LRFN4: variants seen among roughly 807,000 people sequenced by gnomAD.
The protein encoded by LRFN4 is leucine rich repeat and fibronectin type III domain containing 4.
A neutral mutation model predicts 29.0 loss-of-function variants in LRFN4; 10 were observed. The observed-to-expected ratio is 0.35, with a 90% CI of 0.21 to 0.59. The LOEUF is 0.59. LRFN4 is among the 20% of genes least tolerant of loss of function. The probability of loss-of-function intolerance (pLI) is 0.82; values close to 1 mark genes in which losing one functional copy is unlikely to be tolerated. For synonymous variants in LRFN4, 493 were observed against 437.0 expected, an observed-to-expected ratio of 1.13 and a Z score of -1.60; for missense variants, 850 against 907.9, an observed-to-expected ratio of 0.94 and a Z score of 0.82.
chr11:66,859,005 G>C lies in LRFN4; in HGVS notation c.1261G>C (p.Val421Leu). ...GGAGGTGACCGCCACCTCAGGGCTG[G>C]TGAGCTGGGGTCCCGGGCGGCCAGC... ...VTEVTATSGL[V>L]SWGPGRPADP... Residue 421 changes from valine (V) to leucine (L), a missense_variant, in exon 1 of 2, where the codon GTG (valine) becomes CTG (leucine). Physicochemically the swap from Val to Leu is conservative, Grantham distance 32. Coordinates refer to ENST00000309602, the MANE Select transcript of LRFN4 (RefSeq NM_024036.5). 6.6e-7 allele frequency: 1 copy of C among 1,525,862 alleles called. No individual in the cohort carries two copies. Among genetic ancestry groups the C allele is most frequent in the South Asian group, 1.3e-5 (1 of 78,112 alleles). 94.5% of individuals were successfully genotyped at this position (1,525,862 alleles called of 1,614,324 possible).
rs770895637 is a variant in LRFN4 at position 66,858,960 on chromosome 11, G to A, written c.1216G>A (p.Glu406Lys). The change falls in exon 1 of 2, where the codon GAG (glutamate) becomes AAG (lysine). Residue 406 changes from glutamate to lysine, a missense_variant. Physicochemically the swap from Glu to Lys is moderately conservative, Grantham distance 56. This residue lies in a region of LRFN4 where 744 missense variants were observed against 753.8 expected (regional missense o/e 0.99). Transcript: ENST00000309602. The surrounding 1 kb of genome is among the most constrained non-coding windows in gnomAD (Gnocchi z 5.9). ...AAEGEGTLESEPAVQVTEVTA... is the reference protein window; with the variant it reads ...AAEGEGTLESKPAVQVTEVTA... ...CGAGGGTGAGGGGACGCTGGAGTCT[G>A]AGCCAGCCGTGCAGGTGACGGAGGT... 3.8e-6 allele frequency: 6 copies of A among 1,576,470 alleles called. No individual in the cohort carries two copies. The Admixed American group carries it at 7.1e-5, about 19-fold the overall frequency.
rs550761110 is a variant in LRFN4 at position 66,858,896 on chromosome 11, C to G, written c.1152C>G (p.Pro384=). 21 of 1,560,164 alleles carry G rather than the reference C, an allele frequency of 1.3e-5. No homozygotes were observed. In the South Asian group the frequency reaches 2.3e-4, roughly 17 times the overall value. ...GGNSSAEGGR[P]GPSDIAASAR... is the part of the protein sequence containing the mutation. Reference sequence around the variant, plus strand: ...ACAGCAGTGCCGAGGGGGGCCGCCCCGGGCCCTCGGACATCGCCGCCTCCG... The same window carrying G: ...ACAGCAGTGCCGAGGGGGGCCGCCCGGGGCCCTCGGACATCGCCGCCTCCG... The change falls in exon 1 of 2, where the codon CCC becomes CCG. Residue 384 remains proline, a synonymous_variant. Transcript: ENST00000309602. This position sits in a 1 kb window ranked among gnomAD's most constrained non-coding sequence, Gnocchi z 5.9.
chr11:66,860,116 CTG>C lies in LRFN4; in HGVS notation c.1832_1833del (p.Val611AlafsTer37). ...GGAGCTTGGGCCCGACGGAGCCACT[CTG>C]TGCATGGGGGGCTGCTCGGGGCAGG... On this transcript the variant is annotated frameshift_variant, in exon 2 of 2. Coordinates refer to ENST00000309602, the MANE Select transcript of LRFN4 (RefSeq NM_024036.5). LOFTEE classifies it high-confidence loss of function. The C allele has an allele frequency of 6.4e-7, 1 of 1,551,276 alleles. No homozygotes were observed. Among genetic ancestry groups the C allele is most frequent in the Non-Finnish European group, 8.7e-7 (1 of 1,147,774 alleles).
At chr11:66,859,128 C>A in intron 1 of LRFN4, 35 bp downstream of exon 1, 2 of 1,474,970 alleles carry the variant, frequency 1.4e-6, no homozygotes, top group South Asian at 1.5e-5. Flanking sequence ...GCTGCACTCC[C>A]GGCGCCCTTC....
At position 66,857,130 on chromosome 11, in the gene LRFN4, ACCGAGCGAGCCGGGGCCGCGGGC is replaced by A. The variant is rs1281271814; in HGVS notation, c.-607_-585del. The A allele has an allele frequency of 6.8e-6, 1 of 147,382 alleles. No individual in the cohort carries two copies. The allele number at this position is 147,382 out of a possible 1,614,324, so 9.1% of individuals were successfully genotyped here. ...ACCGCGCCGGGAAAAGGTGCCGGGAACCGAGCGAGCCGGGGCCGCGGGCCCGAGCGCCATGGGCCCGAGGGTGG... is the reference window on the plus strand; with the variant it reads ...ACCGCGCCGGGAAAAGGTGCCGGGAACCGAGCGCCATGGGCCCGAGGGTGG... On this transcript the variant is annotated 5_prime_UTR_variant, in exon 1 of 2. Coordinates refer to ENST00000309602, the MANE Select transcript of LRFN4 (RefSeq NM_024036.5). This position sits in a 1 kb window ranked among gnomAD's most constrained non-coding sequence, Gnocchi z 7.1.
In LRFN4 at chr11:66,858,276, C is replaced by A; in HGVS notation, c.532C>A (p.His178Asn). 1.2e-6 allele frequency: 2 copies of A among 1,612,106 alleles called. No individual in the cohort carries two copies. Among genetic ancestry groups the A allele is most frequent in the Non-Finnish European group, 1.7e-6 (2 of 1,179,926 alleles). The change falls in exon 1 of 2, where the codon CAT (histidine) becomes AAT (asparagine). Residue 178 changes from histidine to asparagine, a missense_variant. Transcript: ENST00000309602. This position sits in a 1 kb window ranked among gnomAD's most constrained non-coding sequence, Gnocchi z 5.9. ...MPALHTLNLDHNLIDALPPGA... is the reference protein window; with the variant it reads ...MPALHTLNLDNNLIDALPPGA... ...TGCCCTGCACACCCTCAACCTGGACCATAACCTTATTGACGCACTGCCCCC... is the reference window on the plus strand; with the variant it reads ...TGCCCTGCACACCCTCAACCTGGACAATAACCTTATTGACGCACTGCCCCC...
chr11:66,859,549 G>T lies in LRFN4; in HGVS notation c.1350-88G>T, dbSNP rs555737259. On this transcript the variant is annotated intron_variant, in intron 1 of 1. Transcript: ENST00000309602. ...AGCCCGAGTGGCCCCAGGGGGAGGG[G>T]TGTTTGGAGCTGGGAGCACGGGAGT... 1.2e-5 allele frequency: 19 copies of T among 1,572,652 alleles called. No homozygotes were observed. The South Asian group carries it at 1.7e-4, about 14-fold the overall frequency.
In LRFN4 at chr11:66,858,089, C is replaced by T. The variant is rs1945978771; in HGVS notation, c.345C>T (p.Ser115=). 1.2e-6 allele frequency: 2 copies of T among 1,609,154 alleles called. No homozygotes were observed. The highest frequency in any genetic ancestry group is 1.3e-5 in the African/African-American group (1 of 75,004). The change falls in exon 1 of 2, where the codon AGC becomes AGT. Residue 115 remains serine, a synonymous_variant. Transcript: ENST00000309602. This position sits in a 1 kb window ranked among gnomAD's most constrained non-coding sequence, Gnocchi z 5.9. The part of the protein sequence containing the change: ...GNRLVELGTG[S]LRGPVNLQHL... ...GGCTGGTGGAGCTGGGCACCGGGAG[C>T]CTCCGGGGCCCCGTCAATCTGCAGC...
In LRFN4 at chr11:66,857,290, A is replaced by G. The variant is rs1260416100; in HGVS notation, c.-455A>G. 2.0e-5 allele frequency: 3 copies of G among 148,540 alleles called. No homozygotes were observed. The highest frequency in any genetic ancestry group is 7.4e-5 in the African/African-American group (3 of 40,566). The allele number at this position is 148,540 out of a possible 1,614,324, so 9.2% of individuals were successfully genotyped here. On this transcript the variant is annotated 5_prime_UTR_variant, in exon 1 of 2. Coordinates refer to ENST00000309602, the MANE Select transcript of LRFN4 (RefSeq NM_024036.5). The surrounding 1 kb of genome is among the most constrained non-coding windows in gnomAD (Gnocchi z 7.1). ...CCGGCCCGCGCCCCCTGAGCGACGGACACCAGGTGAGGGGGCCGCCGGGCG... is the reference window on the plus strand; with the variant it reads ...CCGGCCCGCGCCCCCTGAGCGACGGGCACCAGGTGAGGGGGCCGCCGGGCG...
In LRFN4 at chr11:66,860,154, G is replaced by A; in HGVS notation, c.1867G>A (p.Val623Ile). ...GGLLGAGCRGVGGSAERLEES... is the reference protein window; with the variant it reads ...GGLLGAGCRGIGGSAERLEES... ...GCTGCTCGGGGCAGGGTGCCGGGGG[G>A]TAGGAGGCAGCGCCGAGCGGCTGGA... Residue 623 changes from valine to isoleucine, a missense_variant, in exon 2 of 2, where the codon GTA (valine) becomes ATA (isoleucine). Coordinates refer to ENST00000309602, the MANE Select transcript of LRFN4 (RefSeq NM_024036.5). 1 of 1,548,792 alleles carries A rather than the reference G, an allele frequency of 6.5e-7. No individual in the cohort carries two copies. Among genetic ancestry groups the A allele is most frequent in the Non-Finnish European group, 8.7e-7 (1 of 1,147,600 alleles).
intron 1 of LRFN4, 79 bp from the exon 2 acceptor site, chr11:66,859,558 G>A (rs2135875391): frequency 1.0e-5 from 16 of 1,583,560 alleles, no homozygotes; most frequent in Non-Finnish European, 1.4e-5. Context: ...GGTGTTTGGA[G>A]CTGGGAGCAC....
rs913626892 is a variant in LRFN4, at chr11:66,857,569, G to A, written c.-176G>A. On this transcript the variant is annotated 5_prime_UTR_variant, in exon 1 of 2. Coordinates refer to ENST00000309602, the MANE Select transcript of LRFN4 (RefSeq NM_024036.5). This position sits in a 1 kb window ranked among gnomAD's most constrained non-coding sequence, Gnocchi z 7.1. ...TGTGACCTTTGCTCTGGGGGGCCTGGCCCTGCAGGCCCCAACCTTCCCTCA... is the reference window on the plus strand; with the variant it reads ...TGTGACCTTTGCTCTGGGGGGCCTGACCCTGCAGGCCCCAACCTTCCCTCA... The A allele has an allele frequency of 7.8e-6, 5 of 640,954 alleles. No homozygotes were observed. Among genetic ancestry groups the A allele is most frequent in the Non-Finnish European group, 1.3e-5 (5 of 379,652 alleles). 39.7% of individuals were successfully genotyped at this position (640,954 alleles called of 1,614,324 possible). A position where few individuals can be genotyped will look rare whatever the true frequency, so the allele number is the denominator to read the frequency against.
rs781174132 is a variant in LRFN4, at chr11:66,858,386, C to T, written c.642C>T (p.Phe214=). 3.2e-6 allele frequency: 5 copies of T among 1,569,512 alleles called. No individual in the cohort carries two copies. The South Asian group carries it at 5.7e-5, about 18-fold the overall frequency. ...CCACGCTGGCTCCGGACCCGCTTTT[C>T]TCTCGTGGGCGTGATGCAGAGGCCT... is the stretch of plus-strand genomic sequence containing the variant. ...RLATLAPDPL[F]SRGRDAEASP... The change falls in exon 1 of 2, where the codon TTC becomes TTT. Residue 214 remains phenylalanine, a synonymous_variant. Coordinates refer to ENST00000309602, the MANE Select transcript of LRFN4 (RefSeq NM_024036.5). This position sits in a 1 kb window ranked among gnomAD's most constrained non-coding sequence, Gnocchi z 5.9.
At position 66,860,451 on chromosome 11, in the gene LRFN4, T is replaced by C; in HGVS notation, c.*256T>C. On this transcript the variant is annotated 3_prime_UTR_variant, in exon 2 of 2. Coordinates refer to ENST00000309602, the MANE Select transcript of LRFN4 (RefSeq NM_024036.5). ...CCACTGGGAGTCTTGTTTTTATTTA[T>C]AATAAAATTGTTGGGGACACCTCAG... 4.3e-6 allele frequency: 3 copies of C among 704,732 alleles called. No homozygotes were observed. The highest frequency in any genetic ancestry group is 7.8e-6 in the Non-Finnish European group (3 of 387,022). The allele number at this position is 704,732 out of a possible 1,614,324, so 43.7% of individuals were successfully genotyped here.
At position 66,860,428 on chromosome 11, in the gene LRFN4, A is replaced by C. The variant is rs1310975771; in HGVS notation, c.*233A>C. On this transcript the variant is annotated 3_prime_UTR_variant, in exon 2 of 2. Coordinates refer to ENST00000309602, the MANE Select transcript of LRFN4 (RefSeq NM_024036.5). ...ACCGAGGCAGGGGCTGCAGCCACCC[A>C]CTGGGAGTCTTGTTTTTATTTATAA... is the stretch of plus-strand genomic sequence containing the variant. 2.8e-6 allele frequency: 2 copies of C among 707,674 alleles called. No individual in the cohort carries two copies. The highest frequency in any genetic ancestry group is 5.1e-6 in the Non-Finnish European group (2 of 389,566). 43.8% of individuals were successfully genotyped at this position (707,674 alleles called of 1,614,324 possible).
rs1376541029 is a variant in LRFN4 at position 66,858,412 on chromosome 11, C to G, written c.668C>G (p.Ser223Cys). 4 of 1,556,216 alleles carry G rather than the reference C, an allele frequency of 2.6e-6. No individual in the cohort carries two copies. The highest frequency in any genetic ancestry group is 3.5e-6 in the Non-Finnish European group (4 of 1,156,644). ...LFSRGRDAEA[S>C]PAPLVLSFSG... ...TCTCGTGGGCGTGATGCAGAGGCCTCTCCCGCCCCCCTGGTGCTGAGCTTT... is the reference window on the plus strand; with the variant it reads ...TCTCGTGGGCGTGATGCAGAGGCCTGTCCCGCCCCCCTGGTGCTGAGCTTT... Residue 223 changes from serine (S) to cysteine (C), a missense_variant, in exon 1 of 2, where the codon TCT becomes TGT. Coordinates refer to ENST00000309602, the MANE Select transcript of LRFN4 (RefSeq NM_024036.5). The surrounding 1 kb of genome is among the most constrained non-coding windows in gnomAD (Gnocchi z 5.9).
chr11:66,858,380 G>C lies in LRFN4; in HGVS notation c.636G>C (p.Pro212=), dbSNP rs757156530. Residue 212 remains proline, a synonymous_variant, in exon 1 of 2, where the codon CCG becomes CCC. Coordinates refer to ENST00000309602, the MANE Select transcript of LRFN4 (RefSeq NM_024036.5). This position sits in a 1 kb window ranked among gnomAD's most constrained non-coding sequence, Gnocchi z 5.9. ...SNRLATLAPD[P]LFSRGRDAEA... ...GCCTGGCCACGCTGGCTCCGGACCCGCTTTTCTCTCGTGGGCGTGATGCAG... is the reference window on the plus strand; with the variant it reads ...GCCTGGCCACGCTGGCTCCGGACCCCCTTTTCTCTCGTGGGCGTGATGCAG... 4.4e-6 allele frequency: 7 copies of C among 1,577,186 alleles called. No homozygotes were observed. Among genetic ancestry groups the C allele is most frequent in the Admixed American group, 3.6e-5 (2 of 55,044 alleles).
In LRFN4 at chr11:66,858,222, G is replaced by A. The variant is rs1945991884; in HGVS notation, c.478G>A (p.Val160Met). The change falls in exon 1 of 2, where the codon GTG becomes ATG. Residue 160 changes from valine (V) to methionine (M), a missense_variant. Physicochemically the swap from Val to Met is conservative, Grantham distance 21. Coordinates refer to ENST00000309602, the MANE Select transcript of LRFN4 (RefSeq NM_024036.5). The surrounding 1 kb of genome is among the most constrained non-coding windows in gnomAD (Gnocchi z 5.9). ...LDLSYNNLRQ[V>M]PWAGIGAMPA... The stretch of plus-strand genomic sequence containing the variant: ...CCTGTCCTACAACAACCTCCGGCAG[G>A]TGCCCTGGGCCGGCATCGGCGCCAT... 5.0e-6 allele frequency: 8 copies of A among 1,612,344 alleles called. No individual in the cohort carries two copies. Among genetic ancestry groups the A allele is most frequent in the African/African-American group, 2.7e-5 (2 of 74,918 alleles).
chr11:66,857,550 C>A lies in LRFN4; in HGVS notation c.-195C>A. ...CCCTTAACTGCTTGGGAAATGTGAC[C>A]TTTGCTCTGGGGGGCCTGGCCCTGC... On this transcript the variant is annotated 5_prime_UTR_variant, in exon 1 of 2. Transcript: ENST00000309602. The surrounding 1 kb of genome is among the most constrained non-coding windows in gnomAD (Gnocchi z 7.1). The A allele has an allele frequency of 1.7e-6, 1 of 597,914 alleles. No homozygotes were observed. The highest frequency in any genetic ancestry group is 2.9e-6 in the Non-Finnish European group (1 of 343,856). 37.0% of individuals were successfully genotyped at this position (597,914 alleles called of 1,614,324 possible).
Sources: gnomAD v4.1 joint callset for allele counts on GRCh38, gnomAD v4.1.1 for gene constraint, gnomAD v4.1.1 regional missense constraint, Gnocchi (gnomAD v3.1) non-coding constraint, MANE v1.5 for transcripts, NCBI Gene and HGNC (gene_info 2026-07-23, HGNC 2026-07-21) for gene names.